The following MTM1 variants were observed in gnomAD, a reference collection of about 807,000 sequenced individuals.
MTM1 encodes myotubularin 1, also known as myotubularin.
In MTM1, 9 loss-of-function variants were observed where a neutral mutation model predicts 52.1. That is an observed-to-expected ratio of 0.17 (90% CI 0.10 to 0.30). The LOEUF is 0.30. Ranked by LOEUF, MTM1 falls within the 10% of genes least tolerant of loss-of-function variation. The probability of loss-of-function intolerance (pLI) is 1.00; values close to 1 mark genes in which losing one functional copy is unlikely to be tolerated. For synonymous variants in MTM1, 136 were observed against 163.8 expected (o/e 0.83, Z 1.29); for missense variants, 277 against 470.7 (o/e 0.59, Z 3.81).
At chrX:150,565,235 G>A (rs2038247323), upstream of MTM1, among the ~76,000 whole-genome samples, 1 of 111,403 alleles carries the variant, frequency 9.0e-6, no homozygotes, top group South Asian at 3.8e-4. Context: ...ACGACCCTGG[G>A]AGGTGGCATT....
intron 3 of MTM1, chrX:150,597,100 T>C (rs2038990098): frequency 8.4e-6 from 1 of 119,512 alleles, no homozygotes. Flanking sequence ...AAGGGCTAGA[T>C]CACTACGGCT....
At chrX:150,618,146 T>C (rs1426892306) in intron 5 of MTM1, among the ~76,000 whole-genome samples, 1 of 111,792 alleles carries the variant, frequency 8.9e-6, no homozygotes, top group Non-Finnish European at 1.9e-5. Context: ...GTGTAGTTAC[T>C]ACTAATATGG....
intron 1 of MTM1, among the ~76,000 whole-genome samples, chrX:150,579,222 T>G (rs2038535171): frequency 9.1e-6 from 1 of 110,105 alleles, no homozygotes; most frequent in Non-Finnish European, 1.9e-5. Context: ...ACCCAGCTAA[T>G]TTTGTATTTT....
chrX:150,565,810 G>A (rs1458730891), upstream of MTM1, among the ~76,000 whole-genome samples: 1 of 111,752 alleles, frequency 8.9e-6, no homozygotes, highest in African/African-American at 3.3e-5. Context: ...GGAGAGGGGC[G>A]GAAACAGGTG....
At chrX:150,654,221 A>C (rs1209682509) in intron 10 of MTM1, among the ~76,000 whole-genome samples, 1 of 112,110 alleles carries the variant, frequency 8.9e-6, no homozygotes, top group African/African-American at 3.2e-5. Flanking sequence ...ACTTAATTGG[A>C]ACACAGCTAA....
chrX:150,626,798 G>C (rs5924837), intron 6 of MTM1, among the ~76,000 whole-genome samples: 38,533 of 110,923 alleles, frequency 0.35, 6,108 homozygotes, highest in East Asian at 0.69. Context: ...TTTTAGCCTA[G>C]ATGTGGCCTA....
intron 4 of MTM1, among the ~76,000 whole-genome samples, chrX:150,601,250 A>G (rs781963124): frequency 4.3e-4 from 48 of 111,737 alleles, no homozygotes; most frequent in African/African-American, 1.5e-3. Flanking sequence ...TTACATAAAC[A>G]TTTTGAGCAA....
intron 8 of MTM1, among the ~76,000 whole-genome samples, chrX:150,642,374 C>G (rs1557413872): frequency 1.8e-5 from 2 of 112,077 alleles, no homozygotes; most frequent in African/African-American, 6.5e-5. Context: ...GATTATTCTG[C>G]TAAGGCAGTG....
intron 1 of MTM1, among the ~76,000 whole-genome samples, chrX:150,571,378 C>T (rs1409370520): frequency 1.8e-5 from 2 of 111,783 alleles, no homozygotes; most frequent in Admixed American, 9.5e-5. Flanking sequence ...GGGCAGCCTG[C>T]CCCAATTTGA....
rs189870348 is a variant in MTM1, at chrX:150,586,746, G to A, written c.-10-5859G>A. Among the ~76,000 whole-genome samples, 17 of 109,556 alleles carry A rather than the reference G, an allele frequency of 1.6e-4. No homozygotes were observed. In the East Asian group the frequency reaches 4.3e-3, roughly 28 times the overall value. On this transcript the variant is annotated intron_variant, in intron 1 of 14. Transcript: ENST00000370396. ...CTGGCCAACGTGGCGAAATCCTGTC[G>A]CTACTAAAAATACAAAAATTATCTG...
chrX:150,664,255 A>G (rs1424751517), intron 14 of MTM1, among the ~76,000 whole-genome samples: 3 of 112,982 alleles, frequency 2.7e-5, no homozygotes, highest in Non-Finnish European at 5.6e-5. Flanking sequence ...TGTTCTAAGC[A>G]TTATAAATAT....
intron 1 of MTM1, among the ~76,000 whole-genome samples, chrX:150,592,193 T>G (rs1228084053): frequency 2.7e-5 from 3 of 112,457 alleles, no homozygotes; most frequent in African/African-American, 9.7e-5. Flanking sequence ...TTGTCCATTC[T>G]TTTTTCATTC....
At chrX:150,607,616 C>T (rs1003269423) in intron 4 of MTM1, among the ~76,000 whole-genome samples, 1 of 111,635 alleles carries the variant, frequency 9.0e-6, no homozygotes, top group Non-Finnish European at 1.9e-5. Flanking sequence ...GCCTTCTATG[C>T]GGCTCATTTT....
chrX:150,606,505 C>T, intron 4 of MTM1, among the ~76,000 whole-genome samples: 1 of 111,755 alleles, frequency 8.9e-6, no homozygotes, highest in Non-Finnish European at 1.9e-5. Context: ...ACTACACCTT[C>T]CACCACTACA....
intron 14 of MTM1, among the ~76,000 whole-genome samples, chrX:150,665,399 A>T (rs1569565542): frequency 1.8e-5 from 2 of 112,780 alleles, no homozygotes; most frequent in Non-Finnish European, 3.7e-5. Flanking sequence ...GGATAAGTGT[A>T]AGAATAAAAG....
intron 8 of MTM1, among the ~76,000 whole-genome samples, chrX:150,642,646 A>G (rs782420074): frequency 9.0e-6 from 1 of 111,559 alleles, no homozygotes; most frequent in East Asian, 2.8e-4. Context: ...CTACACCCCT[A>G]CCCTGGCTGG....
intron 4 of MTM1, among the ~76,000 whole-genome samples, chrX:150,602,533 T>C (rs1427198241): frequency 8.9e-6 from 1 of 112,425 alleles, no homozygotes; most frequent in Non-Finnish European, 1.9e-5. Context: ...GGCAAAGGCC[T>C]AGTCACTGTG....
chrX:150,598,516 TATTAA>T, intron 3 of MTM1, 71 bp from the exon 4 acceptor site: 1 of 611,917 alleles, frequency 1.6e-6, no homozygotes, highest in Non-Finnish European at 2.7e-6. Flanking sequence ...GAATAGTTTA[TATTAA>T]ATTAGTGCCA....
intron 9 of MTM1, among the ~76,000 whole-genome samples, chrX:150,648,734 T>C (rs2039973229): frequency 8.9e-6 from 1 of 112,907 alleles, no homozygotes; most frequent in South Asian, 3.6e-4. Flanking sequence ...CCCTGGCAAG[T>C]TAATACTTGT....
Sources: allele counts gnomAD v4.1 joint callset (sites outside exome capture counted in the v4.1 genomes callset), GRCh38; gene constraint gnomAD v4.1.1; transcripts MANE v1.5; gene names NCBI Gene and HGNC (gene_info 2026-07-23, HGNC 2026-07-21).